The following CASC3 variants were observed in gnomAD, a reference collection of about 807,000 sequenced individuals.
CASC3 encodes the protein protein CASC3.
CASC3 carries 30 observed loss-of-function variants against 80.5 expected under a neutral mutation model. The observed-to-expected ratio is 0.37, with a 90% confidence interval of 0.28 to 0.51. The LOEUF (loss-of-function observed/expected upper bound fraction) is 0.51. CASC3 is among the 20% of genes least tolerant of loss of function. The probability of loss-of-function intolerance (pLI) is 0.94; values close to 1 mark genes in which losing one functional copy is unlikely to be tolerated. For synonymous variants in CASC3, 312 were observed against 333.6 expected, an observed-to-expected ratio of 0.94 and a Z score of 0.70; for missense variants, 824 against 922.2, an observed-to-expected ratio of 0.89 and a Z score of 1.38.
intron 3 of CASC3, among the ~76,000 whole-genome samples, chr17:40,142,761 C>T (rs1438605790): frequency 3.9e-5 from 6 of 152,002 alleles, no homozygotes; most frequent in Non-Finnish European, 8.8e-5. Context: ...ATTAGCTGGG[C>T]GTGGTGGCGG....
intron 2 of CASC3, 67 bp from the exon 3 acceptor site, chr17:40,141,503 C>A: frequency 1.5e-6 from 2 of 1,329,282 alleles, no homozygotes; most frequent in South Asian, 1.2e-5. Flanking sequence ...CTTAGTCTGA[C>A]CTGTAATAAG....
rs145508674 is a variant in CASC3, at chr17:40,156,683, C to T, written c.298-5070C>T. Among the ~76,000 whole-genome samples the T allele has an allele frequency of 4.8e-3, 725 of 151,568 alleles. 2 individuals carry two copies. Among genetic ancestry groups the T allele is most frequent in the Admixed American group, 8.3e-3 (126 of 15,178 alleles). ...CAGCTGGGGCGACAGAGTGAGACTC[C>T]GTTTCAATAAAAAAAAATTAAAAAA... On this transcript the variant is annotated intron_variant, in intron 3 of 13. Coordinates refer to ENST00000264645, the MANE Select transcript of CASC3 (RefSeq NM_007359.5).
At chr17:40,141,677 T>C in intron 3 of CASC3, 70 bp downstream of exon 3, 1 of 1,123,218 alleles carries the variant, frequency 8.9e-7, no homozygotes, top group Non-Finnish European at 1.3e-6. Flanking sequence ...CACACCTTCG[T>C]TGCAAACGTA....
At chr17:40,145,180 T>A (rs993817504) in intron 3 of CASC3, among the ~76,000 whole-genome samples, 1 of 144,822 alleles carries the variant, frequency 6.9e-6, no homozygotes, top group African/African-American at 2.6e-5. Context: ...TTTTGTTTTG[T>A]TTTGTTTTTT....
In CASC3 at chr17:40,143,969, G is replaced by A. The variant is rs963153784; in HGVS notation, c.297+2362G>A. Reference sequence around the variant, plus strand: ...GTATATCTATATAAAAATATCTCATGGGCCGGGCTTGGTGGCTCACACCTG... The same window carrying A: ...GTATATCTATATAAAAATATCTCATAGGCCGGGCTTGGTGGCTCACACCTG... On this transcript the variant is annotated intron_variant, in intron 3 of 13. Transcript: ENST00000264645. 2.6e-5 allele frequency among the ~76,000 whole-genome samples: 4 copies of A among 151,680 alleles called. No homozygotes were observed. The South Asian group carries it at 8.4e-4, about 32-fold the overall frequency.
rs117041222 is a variant in CASC3 at position 40,156,197 on chromosome 17, G to A, written c.298-5556G>A. On this transcript the variant is annotated intron_variant, in intron 3 of 13. Coordinates refer to ENST00000264645, the MANE Select transcript of CASC3 (RefSeq NM_007359.5). ...GGATCAAGGAAAGAACTGAATGATTGCCACCTACCCATCCTAGTCTTGAGG... is the reference window on the plus strand; with the variant it reads ...GGATCAAGGAAAGAACTGAATGATTACCACCTACCCATCCTAGTCTTGAGG... Among the ~76,000 whole-genome samples the A allele has an allele frequency of 1.7e-3, 257 of 152,234 alleles. 1 individual carries two copies. The highest frequency in any genetic ancestry group is 2.7e-3 in the East Asian group (14 of 5,182).
In CASC3 at chr17:40,140,707, A is replaced by T; in HGVS notation, c.159A>T (p.Gly53=). 6.4e-7 allele frequency: 1 copy of T among 1,573,668 alleles called. No homozygotes were observed. The highest frequency in any genetic ancestry group is 8.6e-7 in the Non-Finnish European group (1 of 1,162,022). The change falls in exon 1 of 14, where the codon GGA becomes GGT. Residue 53 remains glycine, a synonymous_variant. Coordinates refer to ENST00000264645, the MANE Select transcript of CASC3 (RefSeq NM_007359.5). ...GCGGCTCTCTGCCTTCACAGCGCGG[A>T]GGCCGAACCGGGGCCCTTCATCTGC... is the stretch of plus-strand genomic sequence containing the variant. ...GGSGSLPSQR[G]GRTGALHLRR...
intron 7 of CASC3, among the ~76,000 whole-genome samples, chr17:40,164,922 ATT>A (rs552290996): frequency 0.071 from 6,965 of 98,434 alleles, 369 homozygotes; most frequent in African/African-American, 0.18. Flanking sequence ...CACCTGGCTA[ATT>A]TTTTTTTTTT....
Position 40,171,643 on chromosome 17 carries a change from A to G in CASC3, c.*1238A>G. 2.0e-6 allele frequency: 2 copies of G among 1,001,420 alleles called. No individual in the cohort carries two copies. Among genetic ancestry groups the G allele is most frequent in the Non-Finnish European group, 2.4e-6 (2 of 839,314 alleles). 62.0% of individuals were successfully genotyped at this position (1,001,420 alleles called of 1,614,324 possible). ...GGGCTCCTATCTTTCCTCCCTATCC[A>G]TGGCACTAAACCACTTCTCTGCTGC... On this transcript the variant is annotated 3_prime_UTR_variant, in exon 14 of 14. Coordinates refer to ENST00000264645, the MANE Select transcript of CASC3 (RefSeq NM_007359.5).
At chr17:40,144,149 C>T (rs1988792686) in intron 3 of CASC3, among the ~76,000 whole-genome samples, 1 of 151,690 alleles carries the variant, frequency 6.6e-6, no homozygotes, top group Non-Finnish European at 1.5e-5. Context: ...ATCCCAGCGA[C>T]TCAGGAGGCT....
At chr17:40,162,628 C>T in intron 5 of CASC3, 97 bp from the exon 6 acceptor site, 1 of 1,106,848 alleles carries the variant, frequency 9.0e-7, no homozygotes, top group Non-Finnish European at 1.3e-6. Context: ...ACGTAAAGTT[C>T]CTATTGTCCC....
In CASC3 at chr17:40,163,842, C is replaced by T; in HGVS notation, c.1147C>T (p.Pro383Ser). 1 of 1,614,154 alleles carries T rather than the reference C, an allele frequency of 6.2e-7. No homozygotes were observed. Among genetic ancestry groups the T allele is most frequent in the Non-Finnish European group, 8.5e-7 (1 of 1,180,030 alleles). Residue 383 changes from proline (P) to serine (S), a missense_variant, in exon 7 of 14, where the codon CCA becomes TCA. This residue lies in a region of CASC3 where 464 missense variants were observed against 506.0 expected (regional missense o/e 0.92). Coordinates refer to ENST00000264645, the MANE Select transcript of CASC3 (RefSeq NM_007359.5). Reference protein sequence around the residue: ...SPEKEEAASEPPAAAPDAAPP... With the variant: ...SPEKEEAASESPAAAPDAAPP... ...TGAGAAGGAAGAGGCAGCCTCAGAG[C>T]CACCAGCTGCTGCTCCTGATGCTGC...
chr17:40,165,956 G>GA (rs944510174), intron 7 of CASC3, among the ~76,000 whole-genome samples: 4 of 140,390 alleles, frequency 2.8e-5, no homozygotes, highest in African/African-American at 1.3e-4. Flanking sequence ...TTGAAAAGAC[G>GA]GGGGGTCTCA....
intron 2 of CASC3, 131 bp from the exon 3 acceptor site, chr17:40,141,439 T>A: frequency 2.3e-6 from 2 of 871,118 alleles, no homozygotes; most frequent in Admixed American, 4.3e-5. Flanking sequence ...CTTTTGTAAG[T>A]GGGGACTATA....
chr17:40,161,741 A>G lies in CASC3; in HGVS notation c.298-12A>G, dbSNP rs773916765. The G allele has an allele frequency of 3.5e-5, 57 of 1,613,168 alleles. No individual in the cohort carries two copies. In the Admixed American group the frequency reaches 9.5e-4, roughly 27 times the overall value. The stretch of plus-strand genomic sequence containing the variant: ...ATCTTATATGCATCGCTGACAGGGA[A>G]ACTTTTTTCAGGGTGAAGAAGGTGA... On this transcript the variant is annotated splice_polypyrimidine_tract_variant and intron_variant, in intron 3 of 13. Transcript: ENST00000264645.
At chr17:40,164,832 T>A (rs1989406735) in intron 7 of CASC3, among the ~76,000 whole-genome samples, 1 of 134,184 alleles carries the variant, frequency 7.5e-6, no homozygotes, top group Non-Finnish European at 1.6e-5. Flanking sequence ...CTTGGCTCAC[T>A]ACAACCTCTG....
rs1453170345 is a variant in CASC3 at position 40,162,792 on chromosome 17, G to C, written c.676G>C (p.Asp226His). 1 of 1,614,178 alleles carries C rather than the reference G, an allele frequency of 6.2e-7. No individual in the cohort carries two copies. The highest frequency in any genetic ancestry group is 2.2e-5 in the East Asian group (1 of 44,884). Residue 226 changes from aspartate to histidine, a missense_variant, in exon 6 of 14, where the codon GAT becomes CAT. Physicochemically the swap from Asp to His is moderately conservative, Grantham distance 81. Transcript: ENST00000264645. ...CTGGGAGCATGACAAGTTCCGGGAA[G>C]ATGAGCAGGCCCCAAAGTCCCGACA... ...GRWEHDKFRE[D>H]EQAPKSRQEL...
Position 40,172,084 on chromosome 17 carries a change from G to A in CASC3, c.*1679G>A. 1 of 1,289,930 alleles carries A rather than the reference G, an allele frequency of 7.8e-7. No individual in the cohort carries two copies. 79.9% of individuals were successfully genotyped at this position (1,289,930 alleles called of 1,614,324 possible). ...TAGTTGCAAGGATTTTTCCATGTGTGGTGGTGTTTTTTGTTACTGTTTTAA... is the reference window on the plus strand; with the variant it reads ...TAGTTGCAAGGATTTTTCCATGTGTAGTGGTGTTTTTTGTTACTGTTTTAA... On this transcript the variant is annotated 3_prime_UTR_variant, in exon 14 of 14. Transcript: ENST00000264645.
chr17:40,148,894 GTT>G (rs1402648492), intron 3 of CASC3, among the ~76,000 whole-genome samples: 1 of 151,864 alleles, frequency 6.6e-6, no homozygotes, highest in African/African-American at 2.4e-5. Flanking sequence ...TTGTCTGAAG[GTT>G]TTGGTTTCTT....
Sources: gnomAD v4.1 joint callset for allele counts (sites outside exome capture counted in the v4.1 genomes callset) on GRCh38, gnomAD v4.1.1 for gene constraint, gnomAD v4.1.1 regional missense constraint, MANE v1.5 for transcripts, NCBI Gene and HGNC (gene_info 2026-07-23, HGNC 2026-07-21) for gene names.